The following PCDHGA12 variants were observed in gnomAD, a reference collection of about 807,000 sequenced individuals.
The protein encoded by PCDHGA12 is protocadherin gamma subfamily A, 12, also known as protocadherin gamma-A12.
PCDHGA12 carries 43 observed loss-of-function variants against 61.1 expected under a neutral mutation model. That is an observed-to-expected ratio of 0.70 (90% confidence interval 0.55 to 0.91). PCDHGA12 has a LOEUF of 0.91. PCDHGA12 is among the 40% of genes least tolerant of loss of function. The pLI is 0.00. For synonymous variants in PCDHGA12, 520 were observed against 542.9 expected (o/e 0.96, Z 0.59); for missense variants, 1,236 against 1,227.7 (o/e 1.01, Z -0.10).
At position 141,487,235 on chromosome 5, in the gene PCDHGA12, C is replaced by A. The variant is rs752316565; in HGVS notation, c.2425-7572C>A. ...TTCAGCTCCAAGGGAAGGAGAATCT[C>A]GTCTAACCCTCTACTTGGCTGTGTC... On this transcript the variant is annotated intron_variant, in intron 1 of 3. Coordinates refer to ENST00000252085, the MANE Select transcript of PCDHGA12 (RefSeq NM_003735.3). This position sits in a 1 kb window ranked among gnomAD's most constrained non-coding sequence, Gnocchi z 5.0. 11 of 1,614,126 alleles carry A rather than the reference C, an allele frequency of 6.8e-6. No homozygotes were observed. The highest frequency in any genetic ancestry group is 7.6e-6 in the Non-Finnish European group (9 of 1,179,994).
intron 1 of PCDHGA12, among the ~76,000 whole-genome samples, chr5:141,439,557 A>C (rs766239185): frequency 1.2e-4 from 19 of 152,178 alleles, no homozygotes; most frequent in Non-Finnish European, 2.2e-4. Context: ...TTCAGGCTGC[A>C]GTTCTAGAGT....
intron 2 of PCDHGA12, among the ~76,000 whole-genome samples, chr5:141,496,841 G>C (rs2099771828): frequency 6.6e-6 from 1 of 151,398 alleles, no homozygotes; most frequent in South Asian, 2.1e-4. Context: ...GAACTCATAG[G>C]CTTCCAGACC....
In PCDHGA12 at chr5:141,490,801, A is replaced by G; in HGVS notation, c.2425-4006A>G. On this transcript the variant is annotated intron_variant, in intron 1 of 3. Transcript: ENST00000252085. The surrounding 1 kb of genome is among the most constrained non-coding windows in gnomAD (Gnocchi z 5.4). ...GGATGGACGGATCTTTGCCCAGCGT[A>G]CCTTTGACTATGAATTGCTGCAGAT... The G allele has an allele frequency of 6.2e-7, 1 of 1,613,854 alleles. No homozygotes were observed. Among genetic ancestry groups the G allele is most frequent in the African/African-American group, 1.3e-5 (1 of 75,042 alleles).
Position 141,489,084 on chromosome 5 carries a change from C to CCG in PCDHGA12, c.2425-5723_2425-5722insCG. On this transcript the variant is annotated intron_variant, in intron 1 of 3. Coordinates refer to ENST00000252085, the MANE Select transcript of PCDHGA12 (RefSeq NM_003735.3). The surrounding 1 kb of genome is among the most constrained non-coding windows in gnomAD (Gnocchi z 4.5). ...CTCCCCCCTGCCCACCCCCGCCACT[C>CCG]GGTGACTAAGAACTGCTGCAAGCAG... 9.1e-6 allele frequency: 3 copies of CCG among 329,130 alleles called. No individual in the cohort carries two copies. The highest frequency in any genetic ancestry group is 5.4e-6 in the Non-Finnish European group (1 of 186,464). The allele number at this position is 329,130 out of a possible 1,614,324, so 20.4% of individuals were successfully genotyped here. A position where few individuals can be genotyped will look rare whatever the true frequency, so the allele number is the denominator to read the frequency against.
chr5:141,490,132 A>G lies in PCDHGA12; in HGVS notation c.2425-4675A>G, dbSNP rs1245562757. The G allele has an allele frequency of 3.7e-6, 6 of 1,614,102 alleles. No homozygotes were observed. In the African/African-American group the frequency reaches 4.0e-5, roughly 11 times the overall value. ...GCGGAACCTCTTTGGCCTAGACCCTAGCAGTGGGGCAATCCATGTGTTGGG... is the reference window on the plus strand; with the variant it reads ...GCGGAACCTCTTTGGCCTAGACCCTGGCAGTGGGGCAATCCATGTGTTGGG... On this transcript the variant is annotated intron_variant, in intron 1 of 3. Coordinates refer to ENST00000252085, the MANE Select transcript of PCDHGA12 (RefSeq NM_003735.3). The surrounding 1 kb of genome is among the most constrained non-coding windows in gnomAD (Gnocchi z 5.4).
At position 141,491,597 on chromosome 5, in the gene PCDHGA12, A is replaced by T. The variant is rs1389838814; in HGVS notation, c.2425-3210A>T. Reference sequence around the variant, plus strand: ...TTTTCACCGGCCTCGGACGGCAGTGACTTCACTTTTCTAAGACCCCTCAGC... The same window carrying T: ...TTTTCACCGGCCTCGGACGGCAGTGTCTTCACTTTTCTAAGACCCCTCAGC... On this transcript the variant is annotated intron_variant, in intron 1 of 3. Coordinates refer to ENST00000252085, the MANE Select transcript of PCDHGA12 (RefSeq NM_003735.3). This position sits in a 1 kb window ranked among gnomAD's most constrained non-coding sequence, Gnocchi z 6.9. 1.2e-6 allele frequency: 2 copies of T among 1,613,788 alleles called. No individual in the cohort carries two copies. The highest frequency in any genetic ancestry group is 1.7e-6 in the Non-Finnish European group (2 of 1,180,012).
chr5:141,490,143 A>G lies in PCDHGA12; in HGVS notation c.2425-4664A>G. On this transcript the variant is annotated intron_variant, in intron 1 of 3. Transcript: ENST00000252085. The surrounding 1 kb of genome is among the most constrained non-coding windows in gnomAD (Gnocchi z 5.4). ...TTGGCCTAGACCCTAGCAGTGGGGC[A>G]ATCCATGTGTTGGGTCCCATAGACT... is the stretch of plus-strand genomic sequence containing the variant. 1 of 1,614,234 alleles carries G rather than the reference A, an allele frequency of 6.2e-7. No homozygotes were observed. The highest frequency in any genetic ancestry group is 8.5e-7 in the Non-Finnish European group (1 of 1,180,034).
intron 1 of PCDHGA12, 79 bp from the exon 2 acceptor site, chr5:141,494,728 C>T (rs2099756337): frequency 1.2e-6 from 2 of 1,609,984 alleles, no homozygotes; most frequent in Admixed American, 3.3e-5. Context: ...TCCTTCTCTC[C>T]CGGCCCATCC....
At chr5:141,442,417 T>A (rs2098323611) in intron 1 of PCDHGA12, 1 of 152,152 alleles carries the variant, frequency 6.6e-6, no homozygotes, top group Non-Finnish European at 1.5e-5. Flanking sequence ...TGAGTGAACT[T>A]CTTTTTTGAA....
At position 141,476,304 on chromosome 5, in the gene PCDHGA12, C is replaced by T. The variant is rs769790423; in HGVS notation, c.2425-18503C>T. On this transcript the variant is annotated intron_variant, in intron 1 of 3. Coordinates refer to ENST00000252085, the MANE Select transcript of PCDHGA12 (RefSeq NM_003735.3). The surrounding 1 kb of genome is among the most constrained non-coding windows in gnomAD (Gnocchi z 7.6). Reference sequence around the variant, plus strand: ...GGTTTGGATCTCGGTAGCCTCTCAGCCCGCAGGTTCCGGGTGGTGTCTGGA... The same window carrying T: ...GGTTTGGATCTCGGTAGCCTCTCAGTCCGCAGGTTCCGGGTGGTGTCTGGA... The T allele has an allele frequency of 6.2e-7, 1 of 1,613,746 alleles. No individual in the cohort carries two copies. Among genetic ancestry groups the T allele is most frequent in the Admixed American group, 1.7e-5 (1 of 59,988 alleles).
Position 141,431,205 on chromosome 5 carries a change from A to T in PCDHGA12, c.446A>T (p.Glu149Val), listed in dbSNP as rs1438031040. Reference protein sequence around the residue: ...EIKISENAATEMRFPLPHAWD... With the variant: ...EIKISENAATVMRFPLPHAWD... ...AAAATTAGTGAAAATGCAGCCACTG[A>T]GATGCGGTTCCCTCTACCCCACGCC... Residue 149 changes from glutamate (E) to valine (V), a missense_variant, in exon 1 of 4, where the codon GAG (glutamate) becomes GTG (valine). Transcript: ENST00000252085. This position sits in a 1 kb window ranked among gnomAD's most constrained non-coding sequence, Gnocchi z 4.8. 1.1e-5 allele frequency: 18 copies of T among 1,614,092 alleles called. No homozygotes were observed. Among genetic ancestry groups the T allele is most frequent in the Non-Finnish European group, 1.5e-5 (18 of 1,180,056 alleles).
intron 2 of PCDHGA12, among the ~76,000 whole-genome samples, chr5:141,502,956 G>A (rs986743949): frequency 1.3e-5 from 2 of 148,846 alleles, no homozygotes; most frequent in African/African-American, 5.0e-5. Context: ...CGATTCTCCT[G>A]CCTCAGCCTC....
chr5:141,450,829 A>ATTT (rs373424450), intron 1 of PCDHGA12, among the ~76,000 whole-genome samples: 12,063 of 134,876 alleles, frequency 0.089, 619 homozygotes, highest in African/African-American at 0.14. Flanking sequence ...TATTATTATT[A>ATTT]TTTTTTTTTT....
At position 141,489,545 on chromosome 5, in the gene PCDHGA12, G is replaced by A. The variant is rs1396651116; in HGVS notation, c.2425-5262G>A. On this transcript the variant is annotated intron_variant, in intron 1 of 3. Transcript: ENST00000252085. The surrounding 1 kb of genome is among the most constrained non-coding windows in gnomAD (Gnocchi z 4.5). ...AGCCTATGTGGAGCCAGCACCAGCT[G>A]CCTGCTGCCAGTGCAGGTGGTGACT... 3 of 1,613,984 alleles carry A rather than the reference G, an allele frequency of 1.9e-6. No individual in the cohort carries two copies. The highest frequency in any genetic ancestry group is 2.5e-6 in the Non-Finnish European group (3 of 1,180,022).
At position 141,477,811 on chromosome 5, in the gene PCDHGA12, C is replaced by A. The variant is rs1211574518; in HGVS notation, c.2425-16996C>A. 1 of 1,614,046 alleles carries A rather than the reference C, an allele frequency of 6.2e-7. No individual in the cohort carries two copies. Among genetic ancestry groups the A allele is most frequent in the Non-Finnish European group, 8.5e-7 (1 of 1,180,034 alleles). On this transcript the variant is annotated intron_variant, in intron 1 of 3. Transcript: ENST00000252085. This position sits in a 1 kb window ranked among gnomAD's most constrained non-coding sequence, Gnocchi z 4.9. ...TCACTGATCGCAATGACAATGCCCC[C>A]CAGGTCCTATATCCTCGGCCAGGTG...
In PCDHGA12 at chr5:141,431,819, A is replaced by C. The variant is rs2097420237; in HGVS notation, c.1060A>C (p.Ser354Arg). The change falls in exon 1 of 4, where the codon AGC becomes CGC. Residue 354 changes from serine (S) to arginine (R), a missense_variant. Transcript: ENST00000252085. The surrounding 1 kb of genome is among the most constrained non-coding windows in gnomAD (Gnocchi z 4.8). ...AGAAGTGGTCCTCACCTCTCTCGCC[A>C]GCTCGGTTCCCGAAAACTCTCCCAG... Reference protein sequence around the residue: ...APEVVLTSLASSVPENSPRGT... With the variant: ...APEVVLTSLARSVPENSPRGT... 6.2e-7 allele frequency: 1 copy of C among 1,614,154 alleles called. No individual in the cohort carries two copies. Among genetic ancestry groups the C allele is most frequent in the Admixed American group, 1.7e-5 (1 of 60,018 alleles).
chr5:141,502,900 T>C (rs1433421797), intron 2 of PCDHGA12, among the ~76,000 whole-genome samples: 2 of 147,288 alleles, frequency 1.4e-5, no homozygotes, highest in Non-Finnish European at 3.0e-5. Flanking sequence ...TCTAGCTCTG[T>C]TGCCAGGCTG....
At position 141,508,670 on chromosome 5, in the gene PCDHGA12, C is replaced by A. The variant is rs184838473; in HGVS notation, c.2573-2277C>A. The stretch of plus-strand genomic sequence containing the variant: ...GGCCCTTCCTGTCATTCTGTCTCTG[C>A]CTCCCTTCTCCCTGCTTCTCCGTGT... On this transcript the variant is annotated intron_variant, in intron 3 of 3. Coordinates refer to ENST00000252085, the MANE Select transcript of PCDHGA12 (RefSeq NM_003735.3). Among the ~76,000 whole-genome samples the A allele has an allele frequency of 3.7e-3, 564 of 152,202 alleles. 5 individuals are homozygous for A. The highest frequency in any genetic ancestry group is 0.011 in the Admixed American group (164 of 15,294).
At chr5:141,488,687 GA>G (rs1238909682) in intron 1 of PCDHGA12, among the ~76,000 whole-genome samples, 1 of 152,192 alleles carries the variant, frequency 6.6e-6, no homozygotes, top group East Asian at 1.9e-4. Flanking sequence ...GCCTCTCCCA[GA>G]AGGACAAGAT....
Sources: gnomAD v4.1 joint callset for allele counts (sites outside exome capture counted in the v4.1 genomes callset) on GRCh38, gnomAD v4.1.1 for gene constraint, Gnocchi (gnomAD v3.1) non-coding constraint, MANE v1.5 for transcripts, NCBI Gene and HGNC (gene_info 2026-07-23, HGNC 2026-07-21) for gene names.